FANCA: variants seen among roughly 807,000 people sequenced by gnomAD.
FANCA encodes the protein Fanconi anemia group A protein.
A neutral mutation model predicts 194.3 loss-of-function variants in FANCA; 236 were observed. The observed-to-expected ratio is 1.21, with a 90% CI of 1.09 to 1.35. The LOEUF (loss-of-function observed/expected upper bound fraction) is 1.35. Among genes scored for constraint, FANCA ranks in the 40% most tolerant of loss-of-function variants. FANCA has a pLI of 0.00. For synonymous variants in FANCA, 1,014 were observed against 715.8 expected (o/e 1.42, Z -6.65); for missense variants, 2,628 against 1,813.9 (o/e 1.45, Z -8.15).
intron 8 of FANCA, among the ~76,000 whole-genome samples, chr16:89,801,944 C>T (rs1290861768): frequency 1.3e-5 from 2 of 152,106 alleles, no homozygotes; most frequent in African/African-American, 4.8e-5. Context: ...CCAGCAATCC[C>T]ATTACTGGGC....
At chr16:89,772,918 C>T (rs2039373224) in intron 22 of FANCA, among the ~76,000 whole-genome samples, 1 of 152,172 alleles carries the variant, frequency 6.6e-6, no homozygotes, top group Non-Finnish European at 1.5e-5. Context: ...AGCAGGATCA[C>T]AGGGCAGAGA....
At chr16:89,778,371 C>A in intron 20 of FANCA, 1 of 375,106 alleles carries the variant, frequency 2.7e-6, no homozygotes, top group South Asian at 1.9e-5. Flanking sequence ...GAGGCTGAGG[C>A]AGGACAATTG....
At chr16:89,770,830 C>A (rs564471570) in intron 23 of FANCA, among the ~76,000 whole-genome samples, 196 bp from the exon 24 acceptor site, 1 of 152,160 alleles carries the variant, frequency 6.6e-6, no homozygotes, top group African/African-American at 2.4e-5. Flanking sequence ...AATAGCAGCC[C>A]TCAAGTAATC....
At position 89,803,299 on chromosome 16, in the gene FANCA, G is replaced by A. The variant is rs878853666; in HGVS notation, c.752C>T (p.Ser251Leu). Residue 251 changes from serine to leucine, a missense_variant, in exon 8 of 43, where the codon TCA (serine) becomes TTA (leucine). Coordinates refer to ENST00000389301, the MANE Select transcript of FANCA (RefSeq NM_000135.4). Reference protein sequence around the residue: ...MFVLRGFQKNSDLRRTVEPEK... With the variant: ...MFVLRGFQKNLDLRRTVEPEK... Reference sequence around the variant, plus strand: ...AGGCTCCACAGTTCTTCTCAGATCTGAGTTTTTCTGAAATCCCCTCAAAAC... The same window carrying A: ...AGGCTCCACAGTTCTTCTCAGATCTAAGTTTTTCTGAAATCCCCTCAAAAC... 2 of 1,614,110 alleles carry A rather than the reference G, an allele frequency of 1.2e-6. No homozygotes were observed. The highest frequency in any genetic ancestry group is 2.2e-5 in the East Asian group (1 of 44,884).
intron 9 of FANCA, 22 bp downstream of exon 9, chr16:89,799,583 G>C (rs907210811): frequency 1.2e-6 from 2 of 1,609,680 alleles, no homozygotes; most frequent in Non-Finnish European, 1.7e-6. Flanking sequence ...TTACAGTCTG[G>C]GCTGCAGTGC....
At position 89,808,332 on chromosome 16, in the gene FANCA, G is replaced by C. The variant is rs149159377; in HGVS notation, c.558C>G (p.His186Gln). Residue 186 changes from histidine to glutamine, a missense_variant, in exon 6 of 43, where the codon CAC (histidine) becomes CAG (glutamine). Physicochemically the swap from His to Gln is conservative, Grantham distance 24. Coordinates refer to ENST00000389301, the MANE Select transcript of FANCA (RefSeq NM_000135.4). ...CTTGCAGGCTCACAATGCCTTGTAC[G>C]TGAAGATGCCACACCGCTTCAAGCA... ...SLLLEAVWHLHVQGIVSLQEL... is the reference protein window; with the variant it reads ...SLLLEAVWHLQVQGIVSLQEL... 7.4e-6 allele frequency: 12 copies of C among 1,614,096 alleles called. No individual in the cohort carries two copies. The highest frequency in any genetic ancestry group is 1.0e-5 in the Non-Finnish European group (12 of 1,180,002).
chr16:89,755,914 C>A (rs574418112), intron 30 of FANCA, among the ~76,000 whole-genome samples: 10 of 151,940 alleles, frequency 6.6e-5, no homozygotes, highest in African/African-American at 2.4e-4. Context: ...CACGGCACGG[C>A]CCACCGCGCA....
Position 89,773,376 on chromosome 16 carries a change from G to A in FANCA, c.1909C>T (p.Leu637=), listed in dbSNP as rs952245981. 1.3e-6 allele frequency: 2 copies of A among 1,550,680 alleles called. No individual in the cohort carries two copies. The highest frequency in any genetic ancestry group is 1.7e-6 in the Non-Finnish European group (2 of 1,146,272). Residue 637 remains leucine, a synonymous_variant, in exon 22 of 43, where the codon CTG becomes TTG. Coordinates refer to ENST00000389301, the MANE Select transcript of FANCA (RefSeq NM_000135.4). ...AAEEKPEDAA[L]GVRAEPNSAE... is the part of the protein sequence containing the mutation. ...GAGTTGGGTTCTGCCCTCACTCCCA[G>A]GGCTGCATCTGTGAGAAGAAGGAAG...
intron 36 of FANCA, 122 bp from the exon 37 acceptor site, chr16:89,743,060 G>A (rs1365302885): frequency 5.0e-6 from 6 of 1,189,982 alleles, no homozygotes; most frequent in African/African-American, 3.1e-5. Flanking sequence ...GGACAGAGAA[G>A]GGTTTCAGGA....
Position 89,758,709 on chromosome 16 carries a change from G to C in FANCA, c.2853-4C>G, listed in dbSNP as rs1289126600. 1.2e-6 allele frequency: 2 copies of C among 1,613,298 alleles called. No homozygotes were observed. The highest frequency in any genetic ancestry group is 1.7e-5 in the Admixed American group (1 of 59,972). ...CGCCCACTGGTGGAAGTCCTGCCTA[G>C]AACAGCAAACACTGCTATCAATTCT... On this transcript the variant is annotated splice_polypyrimidine_tract_variant and splice_region_variant and intron_variant, in intron 29 of 42. Coordinates refer to ENST00000389301, the MANE Select transcript of FANCA (RefSeq NM_000135.4).
At chr16:89,770,499 C>G (rs998953517) in intron 24 of FANCA, 65 bp downstream of exon 24, 8 of 1,460,744 alleles carry the variant, frequency 5.5e-6, no homozygotes, top group Non-Finnish European at 6.6e-6. Context: ...GGTCTGCAGA[C>G]TTGGCCCAGC....
intron 7 of FANCA, 90 bp downstream of exon 7, chr16:89,805,190 T>C (rs1598176847): frequency 4.0e-6 from 4 of 991,372 alleles, no homozygotes; most frequent in Non-Finnish European, 4.7e-6. Flanking sequence ...AGACAGGCTG[T>C]TCTGCCTCGC....
intron 22 of FANCA, among the ~76,000 whole-genome samples, chr16:89,772,557 C>T (rs368392517): frequency 1.3e-5 from 2 of 151,900 alleles, no homozygotes; most frequent in East Asian, 3.9e-4. Flanking sequence ...GTGGCTCACA[C>T]TGAAATCCCA....
rs780078944 is a variant in FANCA at position 89,774,729 on chromosome 16, C to CAAA, written c.1900+1010_1900+1012dup. Among the ~76,000 whole-genome samples, 188 of 22,152 alleles carry CAAA rather than the reference C, an allele frequency of 8.5e-3. 29 individuals carry two copies. Among genetic ancestry groups the CAAA allele is most frequent in the East Asian group, 0.051 (48 of 950 alleles). The allele number at this position is 22,152 out of a possible 152,430, so 14.5% of individuals were successfully genotyped here. On this transcript the variant is annotated intron_variant, in intron 21 of 42. Coordinates refer to ENST00000389301, the MANE Select transcript of FANCA (RefSeq NM_000135.4). ...TGGGCAACAGAGCGAGACTCTGTCT[C>CAAA]AAAAAAAAAAAAAAAAAAAAAAAAA...
chr16:89,744,155 A>G (rs2062193625), intron 36 of FANCA, among the ~76,000 whole-genome samples: 1 of 152,148 alleles, frequency 6.6e-6, no homozygotes, highest in Non-Finnish European at 1.5e-5. Context: ...TTGGCCTCCC[A>G]AAGTGCTGGG....
At chr16:89,761,562 G>A (rs1339365065) in intron 29 of FANCA, among the ~76,000 whole-genome samples, 1 of 151,364 alleles carries the variant, frequency 6.6e-6, no homozygotes, top group Admixed American at 6.6e-5. Context: ...ACATTAAATT[G>A]AGGATAAAAT....
Position 89,752,094 on chromosome 16 carries a change from TTAAA to T in FANCA, c.3066+40_3066+43del, listed in dbSNP as rs752153486. The T allele has an allele frequency of 1.9e-6, 3 of 1,552,598 alleles. No individual in the cohort carries two copies. The Admixed American group carries it at 5.0e-5, about 26-fold the overall frequency. ...AATAAATATCTTAATAGCACGCGGC[TTAAA>T]TGAAGTGAATGCACTGAGTTGTGGC... On this transcript the variant is annotated intron_variant, in intron 31 of 42. Transcript: ENST00000389301.
intron 36 of FANCA, among the ~76,000 whole-genome samples, chr16:89,744,525 C>A (rs965130190): frequency 3.9e-5 from 6 of 152,066 alleles, no homozygotes; most frequent in Non-Finnish European, 8.8e-5. Flanking sequence ...ACTGACCCTA[C>A]CAGCACGCGG....
In FANCA at chr16:89,748,782, C is replaced by T. The variant is rs2038478717; in HGVS notation, c.3240-15G>A. The T allele has an allele frequency of 6.2e-7, 1 of 1,609,362 alleles. No homozygotes were observed. Among genetic ancestry groups the T allele is most frequent in the Non-Finnish European group, 8.5e-7 (1 of 1,176,376 alleles). ...GGAGGAGGATCCTGGAAAGAAGGGG[C>T]TGTATTGGTGGCGACAGCACAGCGT... On this transcript the variant is annotated splice_polypyrimidine_tract_variant and intron_variant, in intron 32 of 42. Transcript: ENST00000389301.
Sources: gnomAD v4.1 joint callset for allele counts (sites outside exome capture counted in the v4.1 genomes callset) on GRCh38, gnomAD v4.1.1 for gene constraint, MANE v1.5 for transcripts, NCBI Gene and HGNC (gene_info 2026-07-23, HGNC 2026-07-21) for gene names.